The following FAM53B variants were observed in gnomAD, a reference collection of about 807,000 sequenced individuals.
FAM53B encodes protein FAM53B.
Under a neutral mutation model 32.7 loss-of-function variants are expected in FAM53B, and 12 were observed. The observed-to-expected ratio is 0.37, with a 90% CI of 0.24 to 0.59. The LOEUF is 0.59. FAM53B is among the 20% of genes least tolerant of loss of function. The probability of loss-of-function intolerance (pLI) is 0.72; values close to 1 mark genes in which losing one functional copy is unlikely to be tolerated. For synonymous variants in FAM53B, 234 were observed against 228.7 expected (o/e 1.02, Z -0.21); for missense variants, 477 against 577.7 (o/e 0.83, Z 1.79).
intron 4 of FAM53B, among the ~76,000 whole-genome samples, chr10:124,646,646 G>C (rs552991874): frequency 4.6e-5 from 7 of 152,268 alleles, no homozygotes; most frequent in African/African-American, 1.7e-4. Flanking sequence ...ACCCTGTGAC[G>C]CTCTTTTGCC....
chr10:124,689,760 T>C (rs1949822678), intron 3 of FAM53B, among the ~76,000 whole-genome samples: 1 of 152,218 alleles, frequency 6.6e-6, no homozygotes, highest in Non-Finnish European at 1.5e-5. Flanking sequence ...TGGGAAGTCT[T>C]TGCTCTTACA....
intron 1 of FAM53B, chr10:124,713,460 A>C (rs1950018922): frequency 6.6e-6 from 1 of 152,224 alleles, no homozygotes; most frequent in Non-Finnish European, 1.5e-5. Flanking sequence ...ATTTGTTTGC[A>C]ACCGCTGAAC....
At chr10:124,654,993 A>G (rs1219229937) in intron 4 of FAM53B, among the ~76,000 whole-genome samples, 1 of 152,202 alleles carries the variant, frequency 6.6e-6, no homozygotes, top group Non-Finnish European at 1.5e-5. Flanking sequence ...CAGGTCCCAA[A>G]GCGTGCCCAG....
rs893376780 is a variant in FAM53B at position 124,652,307 on chromosome 10, C to T, written c.907-28703G>A. 1.1e-4 allele frequency among the ~76,000 whole-genome samples: 16 copies of T among 152,190 alleles called. 1 individual carries two copies. The highest frequency in any genetic ancestry group is 7.3e-5 in the Non-Finnish European group (5 of 68,028). Reference sequence around the variant, plus strand: ...TGTGCACAATACGTTCACATCCAGCCGTGCCCAGGGGTGAACTGAGCAAGG... The same window carrying T: ...TGTGCACAATACGTTCACATCCAGCTGTGCCCAGGGGTGAACTGAGCAAGG... On this transcript the variant is annotated intron_variant, in intron 4 of 4. Coordinates refer to ENST00000337318, the MANE Select transcript of FAM53B (RefSeq NM_014661.4).
At chr10:124,706,512 C>T in intron 2 of FAM53B, 124 bp downstream of exon 2, 1 of 1,246,884 alleles carries the variant, frequency 8.0e-7, no homozygotes, top group Non-Finnish European at 1.2e-6. Context: ...GGACGCCTCA[C>T]AGAGCTTTGC....
intron 4 of FAM53B, among the ~76,000 whole-genome samples, chr10:124,649,428 C>G (rs1021240865): frequency 5.3e-5 from 8 of 152,322 alleles, no homozygotes; most frequent in African/African-American, 1.9e-4. Flanking sequence ...CTGGCCCAGG[C>G]AACAAAGCCA....
intron 3 of FAM53B, among the ~76,000 whole-genome samples, chr10:124,691,139 T>C (rs1021625590): frequency 4.6e-5 from 7 of 152,270 alleles, no homozygotes; most frequent in Admixed American, 4.6e-4. Flanking sequence ...AGCTACCAAA[T>C]CTCAAAGCAA....
chr10:124,664,004 C>G (rs939382488), intron 4 of FAM53B, among the ~76,000 whole-genome samples: 1 of 152,122 alleles, frequency 6.6e-6, no homozygotes, highest in African/African-American at 2.4e-5. Flanking sequence ...AACACCGTGC[C>G]AGGCCCTGCG....
chr10:124,649,509 A>G (rs917550202), intron 4 of FAM53B, among the ~76,000 whole-genome samples: 1 of 152,214 alleles, frequency 6.6e-6, no homozygotes, highest in Non-Finnish European at 1.5e-5. Flanking sequence ...TTCTCCCAAC[A>G]TGTCTGCCCT....
intron 3 of FAM53B, among the ~76,000 whole-genome samples, chr10:124,692,661 G>C (rs757629423): frequency 1.7e-5 from 2 of 119,650 alleles, no homozygotes; most frequent in Non-Finnish European, 3.2e-5. Context: ...GTTGCCCTGA[G>C]ACAAGAATGC....
At chr10:124,698,415 G>A (rs1949889769) in intron 2 of FAM53B, among the ~76,000 whole-genome samples, 1 of 152,100 alleles carries the variant, frequency 6.6e-6, no homozygotes, top group Non-Finnish European at 1.5e-5. Context: ...CTTGCTGGCC[G>A]CCTCTCACCA....
chr10:124,648,888 T>C (rs1204858292), intron 4 of FAM53B, among the ~76,000 whole-genome samples: 3 of 152,212 alleles, frequency 2.0e-5, no homozygotes. Context: ...GCAGCGTCAC[T>C]GGAGAGACTG....
intron 1 of FAM53B, among the ~76,000 whole-genome samples, chr10:124,712,037 T>C (rs1165771072): frequency 6.6e-6 from 1 of 151,990 alleles, no homozygotes; most frequent in Non-Finnish European, 1.5e-5. Context: ...TCCAGCCTGG[T>C]GATAGAGGGA....
chr10:124,709,311 G>C (rs764494198), intron 1 of FAM53B, among the ~76,000 whole-genome samples: 3 of 152,308 alleles, frequency 2.0e-5, no homozygotes, highest in South Asian at 2.1e-4. Context: ...ACACAGCTCT[G>C]CATGAAGCAG....
intron 4 of FAM53B, among the ~76,000 whole-genome samples, chr10:124,638,933 A>G (rs1354422369): frequency 6.6e-6 from 1 of 152,168 alleles, no homozygotes; most frequent in Non-Finnish European, 1.5e-5. Flanking sequence ...AAGTATATGT[A>G]GGGCCCTGGT....
At chr10:124,671,162 G>A in intron 4 of FAM53B, 1 of 454,278 alleles carries the variant, frequency 2.2e-6, no homozygotes, top group South Asian at 1.5e-5. Flanking sequence ...GTGACCTGCA[G>A]GAGCAATCTG....
chr10:124,684,482 T>C (rs1170306859), intron 3 of FAM53B, among the ~76,000 whole-genome samples: 3 of 152,202 alleles, frequency 2.0e-5, no homozygotes, highest in Non-Finnish European at 4.4e-5. Context: ...AACTTGACAC[T>C]GGTCAGCAGT....
chr10:124,655,399 C>T (rs1196496036), intron 4 of FAM53B, among the ~76,000 whole-genome samples: 1 of 152,094 alleles, frequency 6.6e-6, no homozygotes, highest in African/African-American at 2.4e-5. Flanking sequence ...AACAGGAAGA[C>T]TAGGGGCTCC....
rs1218453054 is a variant in FAM53B, at chr10:124,706,322, G to T, written c.78+314C>A. 2.0e-5 allele frequency among the ~76,000 whole-genome samples: 3 copies of T among 152,282 alleles called. No individual in the cohort carries two copies. In the East Asian group the frequency reaches 5.8e-4, roughly 29 times the overall value. On this transcript the variant is annotated intron_variant, in intron 2 of 4. Transcript: ENST00000337318. ...CTCTGGAAACCACCCCCCCTTAATGGGTGGAGACAGAAGGAATGTCAATCC... is the reference window on the plus strand; with the variant it reads ...CTCTGGAAACCACCCCCCCTTAATGTGTGGAGACAGAAGGAATGTCAATCC...
Sources: allele counts gnomAD v4.1 joint callset (sites outside exome capture counted in the v4.1 genomes callset), GRCh38; gene constraint gnomAD v4.1.1; transcripts MANE v1.5; gene names NCBI Gene and HGNC (gene_info 2026-07-23, HGNC 2026-07-21).